Variants in PLA2G4C observed in about 807,000 individuals in gnomAD.
PLA2G4C encodes phospholipase A2 group IVC.
PLA2G4C carries 64 observed loss-of-function variants against 73.8 expected under a neutral mutation model. The observed-to-expected ratio is 0.87, with a 90% confidence interval of 0.71 to 1.07. PLA2G4C has a LOEUF of 1.07. Ranked by LOEUF, PLA2G4C falls within the 50% of genes least tolerant of loss-of-function variation. The pLI, the probability that PLA2G4C is intolerant of heterozygous loss-of-function variation, is 0.00. For synonymous variants in PLA2G4C, 254 were observed against 252.1 expected (o/e 1.01, Z -0.07); for missense variants, 622 against 665.4 (o/e 0.93, Z 0.72).
chr19:48,097,244 C>CGTTTTTTTT (rs1568449148), intron 6 of PLA2G4C: 2 of 66,630 alleles, frequency 3.0e-5, no homozygotes, highest in African/African-American at 1.4e-4. Flanking sequence ...TTACTTTTTT[C>CGTTTTTTTT]TTTTTTCTTT....
At chr19:48,092,668 A>G (rs954969650) in intron 7 of PLA2G4C, among the ~76,000 whole-genome samples, 5 of 152,232 alleles carry the variant, frequency 3.3e-5, no homozygotes, top group Non-Finnish European at 7.3e-5. Flanking sequence ...AAAGACAAGC[A>G]CTGCATGATT....
intron 7 of PLA2G4C, among the ~76,000 whole-genome samples, chr19:48,092,111 G>A (rs190583691): frequency 1.5e-3 from 224 of 151,434 alleles, no homozygotes; most frequent in African/African-American, 5.2e-3. Flanking sequence ...GCGCAATGGC[G>A]CGATCTCCGC....
At position 48,072,333 on chromosome 19, in the gene PLA2G4C, C is replaced by A. The variant is rs1005277012; in HGVS notation, c.1006+2434G>T. 7 of 152,318 alleles carry A rather than the reference C, an allele frequency of 4.6e-5. No homozygotes were observed. The highest frequency in any genetic ancestry group is 1.7e-4 in the African/African-American group (7 of 41,546). 9.4% of individuals were successfully genotyped at this position (152,318 alleles called of 1,614,324 possible). ...GAATAGCTGGGACTACAGGTGCACG[C>A]ACCACCATGGCCGGCTAGGATGCAT... On this transcript the variant is annotated intron_variant, in intron 12 of 16. Transcript: ENST00000599921. The surrounding 1 kb of genome is among the most constrained non-coding windows in gnomAD (Gnocchi z 4.4).
Position 48,101,267 on chromosome 19 carries a change from A to G in PLA2G4C, c.258-1407T>C, listed in dbSNP as rs570116200. ...AGCCTCCCAAGTAGCTGGGACCACTACCCACCAGGTGCATCACCATGCCCT... is the reference window on the plus strand; with the variant it reads ...AGCCTCCCAAGTAGCTGGGACCACTGCCCACCAGGTGCATCACCATGCCCT... On this transcript the variant is annotated intron_variant, in intron 4 of 16. Transcript: ENST00000599921. 2.8e-4 allele frequency among the ~76,000 whole-genome samples: 42 copies of G among 150,472 alleles called. 1 individual carries two copies. In the South Asian group the frequency reaches 8.7e-3, roughly 31 times the overall value.
At position 48,104,818 on chromosome 19, in the gene PLA2G4C, C is replaced by G. The variant is rs1319459929; in HGVS notation, c.121-94G>C. 3.1e-6 allele frequency: 4 copies of G among 1,282,940 alleles called. No homozygotes were observed. In the African/African-American group the frequency reaches 5.9e-5, roughly 19 times the overall value. The allele number at this position is 1,282,940 out of a possible 1,614,324, so 79.5% of individuals were successfully genotyped here. A position where few individuals can be genotyped will look rare whatever the true frequency, so the allele number is the denominator to read the frequency against. On this transcript the variant is annotated intron_variant, in intron 3 of 16. Coordinates refer to ENST00000599921, the MANE Select transcript of PLA2G4C (RefSeq NM_003706.3). The stretch of plus-strand genomic sequence containing the variant: ...GTACCTGGGGCCGGGCACCGTGGCT[C>G]ACGCCTGTAATCCCAGCACATTGGG...
At chr19:48,055,238 C>T (rs549616709) in intron 14 of PLA2G4C, among the ~76,000 whole-genome samples, 189 bp from the exon 15 acceptor site, 146 of 151,336 alleles carry the variant, frequency 9.6e-4, no homozygotes, top group Non-Finnish European at 2.0e-3. Context: ...ACCCGCACTC[C>T]CCAGCCCACC....
At chr19:48,069,575 A>T (rs954732077) in intron 12 of PLA2G4C, among the ~76,000 whole-genome samples, 1 of 151,684 alleles carries the variant, frequency 6.6e-6, no homozygotes, top group African/African-American at 2.4e-5. Flanking sequence ...CATCTTTTCC[A>T]TCCAGGATGC....
intron 3 of PLA2G4C, among the ~76,000 whole-genome samples, 188 bp downstream of exon 3, chr19:48,105,145 G>A (rs4801748): frequency 2.0e-5 from 3 of 149,592 alleles, no homozygotes; most frequent in African/African-American, 7.5e-5. Flanking sequence ...GGAGGAGAAG[G>A]AGGAGACCTA....
intron 11 of PLA2G4C, 48 bp from the exon 12 acceptor site, chr19:48,074,922 C>T (rs747761185): frequency 8.2e-7 from 1 of 1,220,084 alleles, no homozygotes; most frequent in Non-Finnish European, 1.2e-6. Context: ...AAGTACCCTA[C>T]CAAGAACATC....
At chr19:48,090,064 A>C in intron 8 of PLA2G4C, 1 of 359,000 alleles carries the variant, frequency 2.8e-6, no homozygotes, top group Non-Finnish European at 5.1e-6. Flanking sequence ...ATTCATAACT[A>C]CTGTTATTAT....
rs561700271 is a variant in PLA2G4C, at chr19:48,089,641, C to T, written c.763+723G>A. Among the ~76,000 whole-genome samples the T allele has an allele frequency of 3.3e-5, 5 of 152,244 alleles. No individual in the cohort carries two copies. In the South Asian group the frequency reaches 6.2e-4, roughly 19 times the overall value. ...TCATTTAAACCCCACATCAAATATACGAGACTGCGACTACGTACTATTGTC... is the reference window on the plus strand; with the variant it reads ...TCATTTAAACCCCACATCAAATATATGAGACTGCGACTACGTACTATTGTC... On this transcript the variant is annotated intron_variant, in intron 8 of 16. Coordinates refer to ENST00000599921, the MANE Select transcript of PLA2G4C (RefSeq NM_003706.3).
chr19:48,105,580 GA>G, intron 2 of PLA2G4C, 136 bp from the exon 3 acceptor site: 1 of 642,548 alleles, frequency 1.6e-6, no homozygotes, highest in Non-Finnish European at 2.8e-6. Context: ...TTGGGGTGAG[GA>G]AAATATTCTG....
chr19:48,105,945 C>CTTT lies in PLA2G4C; in HGVS notation c.9-502_9-501insAAA, dbSNP rs1568457691. On this transcript the variant is annotated intron_variant, in intron 2 of 16. Transcript: ENST00000599921. Reference sequence around the variant, plus strand: ...TCCCTCCCTCCCTCCCTCCCTCCCTCCCTTCTTTCTTTCTTTCTTTCTTTC... The same window carrying CTTT: ...TCCCTCCCTCCCTCCCTCCCTCCCTCTTTCCTTCTTTCTTTCTTTCTTTCTTTC... Among the ~76,000 whole-genome samples, 16 of 8,346 alleles carry CTTT rather than the reference C, an allele frequency of 1.9e-3. 4 individuals are homozygous for CTTT. Among genetic ancestry groups the CTTT allele is most frequent in the African/African-American group, 2.5e-3 (3 of 1,180 alleles). 5.5% of individuals were successfully genotyped at this position (8,346 alleles called of 152,430 possible). A position where few individuals can be genotyped will look rare whatever the true frequency, so the allele number is the denominator to read the frequency against.
intron 6 of PLA2G4C, 48 bp downstream of exon 6, chr19:48,098,090 TG>T: frequency 6.3e-7 from 1 of 1,597,582 alleles, no homozygotes; most frequent in Non-Finnish European, 8.6e-7. Context: ...TTCCACTCCG[TG>T]CTGTTCCATC....
At chr19:48,082,795 G>A (rs924842419) in intron 10 of PLA2G4C, among the ~76,000 whole-genome samples, 3 of 149,258 alleles carry the variant, frequency 2.0e-5, no homozygotes, top group Admixed American at 6.7e-5. Context: ...CACTGTGCCC[G>A]GCTTGCTTTT....
chr19:48,095,847 C>T (rs1283623038), intron 6 of PLA2G4C, among the ~76,000 whole-genome samples: 1 of 152,174 alleles, frequency 6.6e-6, no homozygotes. Flanking sequence ...GAACCCTCAG[C>T]CCTGCCTCTC....
intron 4 of PLA2G4C, among the ~76,000 whole-genome samples, chr19:48,102,345 G>T (rs755943702): frequency 1.3e-5 from 2 of 151,760 alleles, no homozygotes; most frequent in Non-Finnish European, 2.9e-5. Context: ...ACAAAAATTA[G>T]CTGGGCATGG....
At chr19:48,107,886 CCT>C (rs1325061862) in intron 1 of PLA2G4C, among the ~76,000 whole-genome samples, 1 of 152,104 alleles carries the variant, frequency 6.6e-6, no homozygotes, top group African/African-American at 2.4e-5. Context: ...CATAAGCTAT[CCT>C]CTCTCTCTAC....
At chr19:48,068,731 TAA>T (rs532183992) in intron 12 of PLA2G4C, among the ~76,000 whole-genome samples, 76 of 97,686 alleles carry the variant, frequency 7.8e-4, no homozygotes, top group Non-Finnish European at 7.2e-4. Context: ...ACCTTGTATC[TAA>T]AAAAAAAAAA....
Sources: gnomAD v4.1 joint callset for allele counts (sites outside exome capture counted in the v4.1 genomes callset) on GRCh38, gnomAD v4.1.1 for gene constraint, Gnocchi (gnomAD v3.1) non-coding constraint, MANE v1.5 for transcripts, NCBI Gene and HGNC (gene_info 2026-07-23, HGNC 2026-07-21) for gene names.